SEPTIN2: variants seen among roughly 807,000 people sequenced by gnomAD.
SEPTIN2 encodes the protein septin-2.
In SEPTIN2, 34 loss-of-function variants were observed where a neutral mutation model predicts 46.5. The observed-to-expected ratio is 0.73, with a 90% CI of 0.56 to 0.97. SEPTIN2 has a LOEUF of 0.97. Ranked by LOEUF, SEPTIN2 falls within the 50% of genes least tolerant of loss-of-function variation. The probability of loss-of-function intolerance (pLI) is 0.00; values close to 1 mark genes in which losing one functional copy is unlikely to be tolerated. For missense variants in SEPTIN2, 347 were observed against 448.4 expected, an observed-to-expected ratio of 0.77 and a Z score of 2.04; for synonymous variants, 175 against 153.4, an observed-to-expected ratio of 1.14 and a Z score of -1.04.
intron 3 of SEPTIN2, among the ~76,000 whole-genome samples, chr2:241,333,716 G>T (rs1157780017): frequency 6.6e-6 from 1 of 152,068 alleles, no homozygotes; most frequent in Admixed American, 6.6e-5. Flanking sequence ...TGTTAGCCAG[G>T]ATGGTCTTGA....
In SEPTIN2 at chr2:241,335,624, C is replaced by T; in HGVS notation, c.218-351C>T. ...ACAAATGACTGTTGAATGAAATAGG[C>T]ACACATAGTGAGAGCCTAAGACTTG... On this transcript the variant is annotated intron_variant, in intron 4 of 12. Transcript: ENST00000391971. 9 of 582,020 alleles carry T rather than the reference C, an allele frequency of 1.5e-5. No homozygotes were observed. In the South Asian group the frequency reaches 1.9e-4, roughly 12 times the overall value. 36.1% of individuals were successfully genotyped at this position (582,020 alleles called of 1,614,324 possible).
chr2:241,317,276 C>A, intron 1 of SEPTIN2, among the ~76,000 whole-genome samples: 1 of 152,254 alleles, frequency 6.6e-6, no homozygotes, highest in East Asian at 1.9e-4. Context: ...TGGCATTGAT[C>A]TCATTAGCTA....
chr2:241,316,788 T>C (rs1056734274), intron 1 of SEPTIN2: 2 of 390,172 alleles, frequency 5.1e-6, no homozygotes, highest in African/African-American at 4.2e-5. Context: ...ACTGAACTTC[T>C]TGTAGTTCAA....
At chr2:241,336,340 A>G in intron 5 of SEPTIN2, 3 of 465,382 alleles carry the variant, frequency 6.4e-6, no homozygotes, top group Non-Finnish European at 1.1e-5. Context: ...TGCTAGTATA[A>G]ATGAAACACC....
intron 8 of SEPTIN2, 83 bp from the exon 9 acceptor site, chr2:241,343,669 A>G: frequency 2.0e-6 from 3 of 1,503,354 alleles, no homozygotes; most frequent in Admixed American, 1.8e-5. Flanking sequence ...CAATGTGTTA[A>G]GTCTGTGCTA....
intron 1 of SEPTIN2, among the ~76,000 whole-genome samples, chr2:241,323,893 G>T (rs955989615): frequency 1.2e-4 from 19 of 152,172 alleles, no homozygotes; most frequent in African/African-American, 4.1e-4. Context: ...CTTTTGTAAA[G>T]AAGTAACAGT....
intron 3 of SEPTIN2, among the ~76,000 whole-genome samples, chr2:241,332,249 A>T (rs1483212814): frequency 6.6e-6 from 1 of 152,262 alleles, no homozygotes; most frequent in Non-Finnish European, 1.5e-5. Flanking sequence ...AAACGTGAGG[A>T]ACTCAGAAAG....
Position 241,329,976 on chromosome 2 carries a change from C to T in SEPTIN2, c.130+3863C>T, listed in dbSNP as rs182450473. ...ATAAAGTACTTTGATTTCCTCATTA[C>T]GGCCAGCAGATATTTAAGAATGTTA... On this transcript the variant is annotated intron_variant, in intron 3 of 12. Coordinates refer to ENST00000391971, the MANE Select transcript of SEPTIN2 (RefSeq NM_004404.5). Among the ~76,000 whole-genome samples the T allele has an allele frequency of 9.8e-5, 15 of 152,298 alleles. No homozygotes were observed. In the East Asian group the frequency reaches 1.9e-3, roughly 20 times the overall value.
At chr2:241,347,094 A>G (rs1460854537) in intron 10 of SEPTIN2, among the ~76,000 whole-genome samples, 6 of 152,120 alleles carry the variant, frequency 3.9e-5, no homozygotes, top group Admixed American at 3.3e-4. Flanking sequence ...GCCTCTATAA[A>G]AATTTTTTTT....
intron 1 of SEPTIN2, among the ~76,000 whole-genome samples, chr2:241,318,835 T>G (rs1384485008): frequency 6.6e-6 from 1 of 151,870 alleles, no homozygotes; most frequent in East Asian, 1.9e-4. Context: ...GTAGCTGGGA[T>G]TACAGGCAGG....
intron 9 of SEPTIN2, among the ~76,000 whole-genome samples, chr2:241,344,685 AGAGC>A (rs533021555): frequency 1.5e-4 from 23 of 152,156 alleles, no homozygotes; most frequent in Non-Finnish European, 2.9e-4. Context: ...CCTGGGCGAC[AGAGC>A]GAGACTCTGT....
At chr2:241,345,095 A>G (rs1297389846) in intron 9 of SEPTIN2, among the ~76,000 whole-genome samples, 1 of 152,106 alleles carries the variant, frequency 6.6e-6, no homozygotes, top group Non-Finnish European at 1.5e-5. Context: ...CCTGGGCAAC[A>G]AGAGCAAGAC....
intron 7 of SEPTIN2, among the ~76,000 whole-genome samples, chr2:241,342,403 C>T (rs1260514421): frequency 6.6e-6 from 1 of 151,872 alleles, no homozygotes; most frequent in Non-Finnish European, 1.5e-5. Flanking sequence ...AGCTGTTGTG[C>T]TGGGGCTATC....
chr2:241,315,947 C>T lies in SEPTIN2; in HGVS notation c.-53C>T, dbSNP rs1218508477. The T allele has an allele frequency of 6.6e-6, 1 of 152,136 alleles. No individual in the cohort carries two copies. The highest frequency in any genetic ancestry group is 1.5e-5 in the Non-Finnish European group (1 of 68,046). 9.4% of individuals were successfully genotyped at this position (152,136 alleles called of 1,614,324 possible). ...GCGAGCGCTGGGCGGGTCCGCGGCG[C>T]GGTCGGTCGGCGCCTGTTCTCGGGC... On this transcript the variant is annotated 5_prime_UTR_variant, in exon 1 of 13. Coordinates refer to ENST00000391971, the MANE Select transcript of SEPTIN2 (RefSeq NM_004404.5).
chr2:241,342,880 G>T (rs965132579), intron 7 of SEPTIN2, 112 bp from the exon 8 acceptor site: 21 of 652,016 alleles, frequency 3.2e-5, no homozygotes, highest in Non-Finnish European at 5.7e-5. Context: ...TCATCAGTTT[G>T]ATTATTGACA....
At chr2:241,323,251 A>G (rs1055230245) in intron 1 of SEPTIN2, among the ~76,000 whole-genome samples, 2 of 150,690 alleles carry the variant, frequency 1.3e-5, no homozygotes, top group African/African-American at 4.9e-5. Flanking sequence ...GCTCACTGCA[A>G]CCTCCGCCTC....
At chr2:241,322,457 AT>A (rs2077269816) in intron 1 of SEPTIN2, among the ~76,000 whole-genome samples, 1 of 151,798 alleles carries the variant, frequency 6.6e-6, no homozygotes, top group Non-Finnish European at 1.5e-5. Context: ...TTAAAAAAAA[AT>A]TAGCCGGGCA....
chr2:241,316,647 A>G, intron 1 of SEPTIN2: 2 of 914,158 alleles, frequency 2.2e-6, no homozygotes, highest in African/African-American at 1.7e-5. Context: ...CCGTGGTCTC[A>G]GTGGAGTCCC....
At chr2:241,341,674 T>C (rs947214103) in intron 7 of SEPTIN2, among the ~76,000 whole-genome samples, 3 of 152,228 alleles carry the variant, frequency 2.0e-5, no homozygotes, top group Admixed American at 6.5e-5. Flanking sequence ...TCTGAATTAG[T>C]GCAGACATTG....
Sources: allele counts gnomAD v4.1 joint callset (sites outside exome capture counted in the v4.1 genomes callset), GRCh38; gene constraint gnomAD v4.1.1; transcripts MANE v1.5; gene names NCBI Gene and HGNC (gene_info 2026-07-23, HGNC 2026-07-21).